WNK3: variants seen among roughly 807,000 people sequenced by gnomAD.
WNK3 encodes serine/threonine-protein kinase WNK3.
A neutral mutation model predicts 116.7 loss-of-function variants in WNK3; 18 were observed. The ratio of observed to expected loss-of-function variants is 0.15; its 90% CI spans 0.11 to 0.23. The LOEUF is 0.23. Among genes scored for constraint, WNK3 ranks in the 10% least tolerant of loss-of-function variants. The probability of loss-of-function intolerance (pLI) is 1.00; values close to 1 mark genes in which losing one functional copy is unlikely to be tolerated. For missense variants in WNK3, 993 were observed against 1,323.8 expected (o/e 0.75, Z 3.88); for synonymous variants, 404 against 469.4 (o/e 0.86, Z 1.80).
chrX:54,238,587 T>G (rs1557150813), intron 18 of WNK3, 115 bp from the exon 19 acceptor site: 30 of 721,708 alleles, frequency 4.2e-5, no homozygotes, highest in Non-Finnish European at 4.7e-5. Context: ...TGCTAGACAA[T>G]TAAAAGGTGT....
At chrX:54,195,069 A>G (rs1462907067) in exon 24 of WNK3, 1 of 112,153 alleles carries the variant, frequency 8.9e-6, no homozygotes, top group Non-Finnish European at 1.9e-5. Context: ...CTACAAATAT[A>G]CATAGGGTTA....
At chrX:54,268,493 CA>C (rs1254289079) in intron 10 of WNK3, among the ~76,000 whole-genome samples, 1 of 109,929 alleles carries the variant, frequency 9.1e-6, no homozygotes, top group Non-Finnish European at 1.9e-5. Flanking sequence ...GACCCTGCCT[CA>C]AAAAAATTTT....
chrX:54,287,676 T>C (rs1280177084), intron 10 of WNK3, among the ~76,000 whole-genome samples: 1 of 111,830 alleles, frequency 8.9e-6, no homozygotes, highest in African/African-American at 3.3e-5. Context: ...TTTTTAATTG[T>C]AGTCATCTGG....
chrX:54,269,777 G>A lies in WNK3; in HGVS notation c.2038-10439C>T, dbSNP rs141312659. ...ACATGCAACAATGTAGATGAATCTCGGTGAACTTTCTAGGGGGCTGGAAGT... is the reference window on the plus strand; with the variant it reads ...ACATGCAACAATGTAGATGAATCTCAGTGAACTTTCTAGGGGGCTGGAAGT... On this transcript the variant is annotated intron_variant, in intron 10 of 23. Transcript: ENST00000354646. 1.5e-3 allele frequency among the ~76,000 whole-genome samples: 163 copies of A among 110,188 alleles called. 2 individuals are homozygous for A. The highest frequency in any genetic ancestry group is 5.1e-3 in the African/African-American group (156 of 30,411).
At chrX:54,198,633 G>A (rs1352695517) in exon 24 of WNK3, 2 of 1,194,086 alleles carry the variant, frequency 1.7e-6, no homozygotes, top group East Asian at 3.0e-5. Flanking sequence ...TTGATGTGTA[G>A]CCCATAGTAG....
intron 2 of WNK3, among the ~76,000 whole-genome samples, chrX:54,326,883 G>A (rs1169538725): frequency 2.7e-5 from 3 of 110,168 alleles, no homozygotes; most frequent in Non-Finnish European, 5.7e-5. Flanking sequence ...CTACTCGGGA[G>A]GCTGAGACAG....
intron 10 of WNK3, among the ~76,000 whole-genome samples, chrX:54,266,025 C>A (rs781887553): frequency 1.8e-5 from 2 of 112,094 alleles, no homozygotes; most frequent in Non-Finnish European, 3.8e-5. Context: ...TGAATTAGAC[C>A]AGCACGACAA....
chrX:54,291,334 A>C (rs2068637948), intron 10 of WNK3, among the ~76,000 whole-genome samples: 1 of 111,772 alleles, frequency 8.9e-6, no homozygotes, highest in African/African-American at 3.3e-5. Context: ...AACAAAACGA[A>C]ACAAAACAAA....
chrX:54,197,933 A>G (rs1230073067), exon 24 of WNK3: 5 of 109,120 alleles, frequency 4.6e-5, no homozygotes, highest in African/African-American at 1.9e-4. Context: ...AAGAGTATCC[A>G]GCTGCAGATA....
chrX:54,275,457 GTGTGTGTGTGTGTGTA>G (rs2068435725), intron 10 of WNK3, among the ~76,000 whole-genome samples: 1 of 102,197 alleles, frequency 9.8e-6, no homozygotes, highest in African/African-American at 3.8e-5. Flanking sequence ...GTGTGTGTGT[GTGTGTGTGTGTGTGTA>G]TGGATACCTT....
chrX:54,299,178 C>G (rs2068729751), intron 6 of WNK3, among the ~76,000 whole-genome samples: 1 of 111,672 alleles, frequency 9.0e-6, no homozygotes, highest in Admixed American at 9.6e-5. Flanking sequence ...GTATTACAGG[C>G]CAGTGAGAGC....
At chrX:54,213,553 C>CAAAAAAAAAAAAAAAAAAAAAAAA (rs782580375) in intron 22 of WNK3, among the ~76,000 whole-genome samples, 5 of 14,253 alleles carry the variant, frequency 3.5e-4, no homozygotes, top group South Asian at 2.7e-3. Flanking sequence ...GACTCCGTCT[C>CAAAAAAAAAAAAAAAAAAAAAAAA]AAAAAAAAAA....
intron 1 of WNK3, among the ~76,000 whole-genome samples, chrX:54,341,725 A>C (rs1207358960): frequency 8.9e-6 from 1 of 112,260 alleles, no homozygotes; most frequent in Non-Finnish European, 1.9e-5. Flanking sequence ...GATTTCATTT[A>C]TATGAAATGT....
chrX:54,239,299 T>G (rs1324494279), intron 17 of WNK3, among the ~76,000 whole-genome samples, 200 bp from the exon 18 acceptor site: 1 of 110,621 alleles, frequency 9.0e-6, no homozygotes, highest in Non-Finnish European at 1.9e-5. Context: ...CATATCAGAC[T>G]GAACCCAAAG....
intron 17 of WNK3, among the ~76,000 whole-genome samples, chrX:54,244,565 C>T (rs1557152336): frequency 2.7e-5 from 3 of 112,017 alleles, no homozygotes; most frequent in African/African-American, 9.7e-5. Context: ...CCCTAATTCA[C>T]TATGCCAAAA....
At chrX:54,337,995 G>A (rs1445945384) in intron 1 of WNK3, among the ~76,000 whole-genome samples, 7 of 111,184 alleles carry the variant, frequency 6.3e-5, no homozygotes, top group African/African-American at 2.3e-4. Context: ...GAGCCCAGGA[G>A]GACAAGGTTG....
At chrX:54,208,307 G>T (rs781984812) in intron 22 of WNK3, among the ~76,000 whole-genome samples, 1 of 109,928 alleles carries the variant, frequency 9.1e-6, no homozygotes, top group South Asian at 3.9e-4. Flanking sequence ...TGTATTTTTA[G>T]TAGAGACGGG....
At chrX:54,238,693 G>A (rs1021667666) in intron 18 of WNK3, among the ~76,000 whole-genome samples, 175 bp downstream of exon 18, 9 of 111,194 alleles carry the variant, frequency 8.1e-5, no homozygotes, top group Admixed American at 3.9e-4. Context: ...ATGAATAACC[G>A]GAAAACCAAA....
intron 10 of WNK3, among the ~76,000 whole-genome samples, chrX:54,279,313 A>G (rs2068487771): frequency 9.0e-6 from 1 of 111,166 alleles, no homozygotes; most frequent in Non-Finnish European, 1.9e-5. Flanking sequence ...AAACTATAAC[A>G]TTGCATTGTG....
Sources: allele counts gnomAD v4.1 joint callset (sites outside exome capture counted in the v4.1 genomes callset), GRCh38; gene constraint gnomAD v4.1.1; transcripts MANE v1.5; gene names NCBI Gene and HGNC (gene_info 2026-07-23, HGNC 2026-07-21).